The following SLC6A2 variants were observed in gnomAD, a reference collection of about 807,000 sequenced individuals.
The protein encoded by SLC6A2 is solute carrier family 6 member 2.
SLC6A2 carries 26 observed loss-of-function variants against 71.7 expected under a neutral mutation model. The observed-to-expected ratio is 0.36, with a 90% confidence interval of 0.27 to 0.50. The LOEUF is 0.50. SLC6A2 is among the 20% of genes least tolerant of loss of function. The pLI is 0.96. For synonymous variants in SLC6A2, 363 were observed against 337.9 expected (o/e 1.07, Z -0.82); for missense variants, 581 against 803.9 (o/e 0.72, Z 3.35).
At chr16:55,675,971 G>A (rs1404319284) in intron 4 of SLC6A2, among the ~76,000 whole-genome samples, 1 of 152,048 alleles carries the variant, frequency 6.6e-6, no homozygotes, top group Non-Finnish European at 1.5e-5. Flanking sequence ...AGAGACCTCT[G>A]GAAAGTCTAC....
At chr16:55,696,523 T>A (rs28553550) in intron 9 of SLC6A2, among the ~76,000 whole-genome samples, 186 bp downstream of exon 9, 150,432 of 152,316 alleles carry the variant, frequency 0.99, 74,311 homozygotes, top group Middle Eastern at 1. Context: ...ACTTAGGCCA[T>A]AGCCAAGAAC....
intron 2 of SLC6A2, among the ~76,000 whole-genome samples, chr16:55,664,854 TG>T (rs1347050262): frequency 5.9e-5 from 9 of 152,118 alleles, no homozygotes; most frequent in African/African-American, 2.2e-4. Context: ...TTCCATCTCA[TG>T]GGAGCCAAGT....
intron 4 of SLC6A2, among the ~76,000 whole-genome samples, chr16:55,684,300 C>CAA (rs34610275): frequency 0.033 from 4,343 of 132,724 alleles, 125 homozygotes; most frequent in Non-Finnish European, 0.044. Context: ...GAGCCTGTCT[C>CAA]AAAAAAAAAA....
At chr16:55,663,433 A>G (rs1303839600) in intron 2 of SLC6A2, among the ~76,000 whole-genome samples, 2 of 152,174 alleles carry the variant, frequency 1.3e-5, no homozygotes, top group East Asian at 3.8e-4. Flanking sequence ...GGAAGCAGCC[A>G]GAGGCCCCCA....
rs59587029 is a variant in SLC6A2, at chr16:55,673,842, G to A, written c.644+1667G>A. Among the ~76,000 whole-genome samples the A allele has an allele frequency of 1.4e-3, 211 of 152,276 alleles. 4 individuals carry two copies. The East Asian group carries it at 0.035, about 25-fold the overall frequency. On this transcript the variant is annotated intron_variant, in intron 4 of 14. Coordinates refer to ENST00000568943, the MANE Select transcript of SLC6A2 (RefSeq NM_001172501.3). ...CTCCCAAAGTGCTGGGATTACAGGC[G>A]TGAGCCACCACCCCAGCTTATCATT...
chr16:55,675,837 T>C (rs1965069991), intron 4 of SLC6A2, among the ~76,000 whole-genome samples: 1 of 152,186 alleles, frequency 6.6e-6, no homozygotes, highest in South Asian at 2.1e-4. Flanking sequence ...TTCAGTCCTA[T>C]GGATTCCCCA....
chr16:55,690,382 A>C (rs1170238090), intron 5 of SLC6A2, among the ~76,000 whole-genome samples: 1 of 152,094 alleles, frequency 6.6e-6, no homozygotes, highest in Non-Finnish European at 1.5e-5. Flanking sequence ...ATATGGCTTT[A>C]TTTTCTATAT....
chr16:55,692,009 A>T lies in SLC6A2; in HGVS notation c.875A>T (p.Asn292Ile). Residue 292 changes from asparagine to isoleucine, a missense_variant, in exon 6 of 15, where the codon AAT becomes ATT. Transcript: ENST00000568943. ...CTGCCCGGAGCCTCCAATGGCATCAATGCCTACCTGCACATCGACTTCTAC... is the reference window on the plus strand; with the variant it reads ...CTGCCCGGAGCCTCCAATGGCATCATTGCCTACCTGCACATCGACTTCTAC... ...VTLPGASNGI[N>I]AYLHIDFYRL... 6.2e-7 allele frequency: 1 copy of T among 1,614,202 alleles called. No individual in the cohort carries two copies. The highest frequency in any genetic ancestry group is 8.5e-7 in the Non-Finnish European group (1 of 1,180,038).
Position 55,671,638 on chromosome 16 carries a change from A to G in SLC6A2, c.407-300A>G, listed in dbSNP as rs1340796177. 5.3e-6 allele frequency: 3 copies of G among 561,710 alleles called. No individual in the cohort carries two copies. In the African/African-American group the frequency reaches 5.6e-5, roughly 10 times the overall value. 34.8% of individuals were successfully genotyped at this position (561,710 alleles called of 1,614,324 possible). On this transcript the variant is annotated intron_variant, in intron 3 of 14. Transcript: ENST00000568943. ...TGCACTAGATTCTCATAGGAGCGCA[A>G]CCCCTACTGTGAACTGCGCATGCGA...
chr16:55,667,588 G>T (rs1337133101), intron 2 of SLC6A2, among the ~76,000 whole-genome samples: 1 of 152,150 alleles, frequency 6.6e-6, no homozygotes, highest in Non-Finnish European at 1.5e-5. Context: ...TGGCAAACCA[G>T]CCCTTTCTAT....
At chr16:55,686,841 A>T (rs1965467222) in intron 5 of SLC6A2, among the ~76,000 whole-genome samples, 1 of 152,208 alleles carries the variant, frequency 6.6e-6, no homozygotes, top group Admixed American at 6.5e-5. Flanking sequence ...AGGACCACTA[A>T]CATTCTGATG....
Position 55,669,652 on chromosome 16 carries a change from G to A in SLC6A2, c.362G>A (p.Arg121Gln), listed in dbSNP as rs13306041. 10 of 1,613,956 alleles carry A rather than the reference G, an allele frequency of 6.2e-6. No homozygotes were observed. The East Asian group carries it at 6.7e-5, about 11-fold the overall frequency. ...YMELALGQYN[R>Q]EGAATVWKIC... ...GAGCTGGCTCTGGGACAGTACAACC[G>A]GGAGGGGGCTGCCACCGTTTGGAAA... Residue 121 changes from arginine (R) to glutamine (Q), a missense_variant, in exon 3 of 15, where the codon CGG becomes CAG. Around this residue, in one of 5 missense-constraint regions of SLC6A2, gnomAD observed 81 missense variants for 152.4 expected, o/e 0.53. Transcript: ENST00000568943.
chr16:55,663,634 A>T (rs1294841056), intron 2 of SLC6A2, among the ~76,000 whole-genome samples: 1 of 152,140 alleles, frequency 6.6e-6, no homozygotes, highest in Non-Finnish European at 1.5e-5. Flanking sequence ...ACTACTATGA[A>T]ACCTATCTGT....
At chr16:55,669,148 G>A (rs1964833600) in intron 2 of SLC6A2, among the ~76,000 whole-genome samples, 1 of 152,140 alleles carries the variant, frequency 6.6e-6, no homozygotes, top group Non-Finnish European at 1.5e-5. Flanking sequence ...CAATTTTCTT[G>A]CCTGTAAAAG....
chr16:55,676,673 C>T (rs1456103678), intron 4 of SLC6A2, among the ~76,000 whole-genome samples: 1 of 152,242 alleles, frequency 6.6e-6, no homozygotes, highest in Non-Finnish European at 1.5e-5. Flanking sequence ...GTCATGGTCA[C>T]ACATCACATT....
intron 2 of SLC6A2, among the ~76,000 whole-genome samples, chr16:55,660,162 G>A (rs1964572105): frequency 6.6e-6 from 1 of 152,160 alleles, no homozygotes; most frequent in Non-Finnish European, 1.5e-5. Context: ...GAGAAGGGAG[G>A]AGATCTCCAG....
chr16:55,669,454 A>G, intron 2 of SLC6A2, 111 bp from the exon 3 acceptor site: 1 of 1,179,408 alleles, frequency 8.5e-7, no homozygotes, highest in South Asian at 1.2e-5. Context: ...TCGCCTTTGG[A>G]AACAGCCAGC....
At chr16:55,657,947 C>A (rs1300060642) in intron 2 of SLC6A2, among the ~76,000 whole-genome samples, 8 of 148,344 alleles carry the variant, frequency 5.4e-5, no homozygotes, top group Admixed American at 4.7e-4. Context: ...CTCAGAGGTA[C>A]CCTGCAAAGA....
At chr16:55,680,282 A>G (rs540513480) in intron 4 of SLC6A2, among the ~76,000 whole-genome samples, 1 of 152,278 alleles carries the variant, frequency 6.6e-6, no homozygotes, top group South Asian at 2.1e-4. Context: ...CTCTGGAAGG[A>G]CAGTGTATTA....
Sources: gnomAD v4.1 joint callset for allele counts (sites outside exome capture counted in the v4.1 genomes callset) on GRCh38, gnomAD v4.1.1 for gene constraint, gnomAD v4.1.1 regional missense constraint, MANE v1.5 for transcripts, NCBI Gene and HGNC (gene_info 2026-07-23, HGNC 2026-07-21) for gene names.